Variants in ABTB2 observed in about 807,000 individuals in gnomAD.
The protein encoded by ABTB2 is ankyrin repeat and BTB/POZ domain-containing protein 2.
ABTB2 carries 56 observed loss-of-function variants against 104.1 expected under a neutral mutation model. That is an observed-to-expected ratio of 0.54 (90% CI 0.43 to 0.67). The LOEUF is 0.67. Ranked by LOEUF, ABTB2 falls within the 30% of genes least tolerant of loss-of-function variation. The pLI is 0.00. For missense variants in ABTB2, 1,279 were observed against 1,407.7 expected, an observed-to-expected ratio of 0.91 and a Z score of 1.46; for synonymous variants, 606 against 608.2, an observed-to-expected ratio of 1.00 and a Z score of 0.05.
In ABTB2 at chr11:34,323,968, C is replaced by T. The variant is rs185481058; in HGVS notation, c.883+32733G>A. ...TCACTCTGTTGCCCAGGCTGGAGTG[C>T]CATGGTATGATCTTGGTTCACTGCA... On this transcript the variant is annotated intron_variant, in intron 1 of 16. Coordinates refer to ENST00000435224, the MANE Select transcript of ABTB2 (RefSeq NM_145804.3). 1.8e-3 allele frequency among the ~76,000 whole-genome samples: 263 copies of T among 142,862 alleles called. 2 individuals carry two copies. Among genetic ancestry groups the T allele is most frequent in the Admixed American group, 2.9e-3 (39 of 13,468 alleles). 93.7% of individuals were successfully genotyped at this position (142,862 alleles called of 152,430 possible). A position where few individuals can be genotyped will look rare whatever the true frequency, so the allele number is the denominator to read the frequency against.
chr11:34,189,693 C>T (rs868099318), intron 3 of ABTB2, among the ~76,000 whole-genome samples: 1 of 152,050 alleles, frequency 6.6e-6, no homozygotes, highest in African/African-American at 2.4e-5. Flanking sequence ...AAAAGTCCTT[C>T]TATGACTCTT....
intron 11 of ABTB2, 119 bp from the exon 12 acceptor site, chr11:34,160,472 G>T (rs1338279916): frequency 4.2e-6 from 3 of 711,396 alleles, no homozygotes; most frequent in African/African-American, 3.5e-5. Flanking sequence ...GCTATCTTTT[G>T]TTCCTGCTGG....
chr11:34,199,819 C>T (rs1853313578), intron 2 of ABTB2, among the ~76,000 whole-genome samples: 2 of 152,198 alleles, frequency 1.3e-5, no homozygotes, highest in Non-Finnish European at 2.9e-5. Flanking sequence ...CACTTAACAT[C>T]CTGCTTGGCA....
At chr11:34,293,669 C>A (rs35238445) in intron 1 of ABTB2, among the ~76,000 whole-genome samples, 5,814 of 152,172 alleles carry the variant, frequency 0.038, 132 homozygotes, top group Non-Finnish European at 0.059. Flanking sequence ...ACATGTGGAC[C>A]CACACGCACC....
intron 1 of ABTB2, among the ~76,000 whole-genome samples, chr11:34,277,574 A>T (rs1854396021): frequency 6.6e-6 from 1 of 151,294 alleles, no homozygotes; most frequent in African/African-American, 2.4e-5. Flanking sequence ...ACTTGAGGTC[A>T]GGAGTTCCAG....
At chr11:34,161,596 C>T (rs374065794) in intron 10 of ABTB2, among the ~76,000 whole-genome samples, 5 of 152,294 alleles carry the variant, frequency 3.3e-5, no homozygotes, top group South Asian at 2.1e-4. Flanking sequence ...GGTCCTATCA[C>T]GAGGGGCTCT....
intron 1 of ABTB2, among the ~76,000 whole-genome samples, chr11:34,320,046 G>A (rs773453737): frequency 1.3e-5 from 2 of 152,140 alleles, no homozygotes; most frequent in African/African-American, 2.4e-5. Context: ...ACCGTGCCTG[G>A]CCACTTTTTA....
At chr11:34,331,109 G>A (rs2133116797) in intron 1 of ABTB2, among the ~76,000 whole-genome samples, 1 of 152,320 alleles carries the variant, frequency 6.6e-6, no homozygotes, top group African/African-American at 2.4e-5. Flanking sequence ...TGGGCTGCTT[G>A]CAGGAAAGAG....
At chr11:34,352,740 C>T (rs1285780793) in intron 1 of ABTB2, among the ~76,000 whole-genome samples, 2 of 152,200 alleles carry the variant, frequency 1.3e-5, no homozygotes, top group African/African-American at 4.8e-5. Flanking sequence ...GAAAATTGCA[C>T]CAGGCCACTC....
chr11:34,231,530 T>A (rs1010647699), intron 1 of ABTB2, among the ~76,000 whole-genome samples: 18 of 152,150 alleles, frequency 1.2e-4, no homozygotes, highest in African/African-American at 4.1e-4. Context: ...AAGGTTAACA[T>A]CATCAGTGAC....
At chr11:34,155,978 C>T (rs769599012) in intron 14 of ABTB2, among the ~76,000 whole-genome samples, 1 of 152,214 alleles carries the variant, frequency 6.6e-6, no homozygotes, top group Non-Finnish European at 1.5e-5. Context: ...CTGGAATGCC[C>T]CTCATACAGG....
chr11:34,274,236 C>T (rs373778770), intron 1 of ABTB2, among the ~76,000 whole-genome samples: 8 of 148,058 alleles, frequency 5.4e-5, no homozygotes, highest in African/African-American at 1.7e-4. Context: ...ACTTACTTTG[C>T]GTGGAAGTGC....
In ABTB2 at chr11:34,268,880, T is replaced by C. The variant is rs1178545030; in HGVS notation, c.884-64190A>G. 2.6e-5 allele frequency among the ~76,000 whole-genome samples: 4 copies of C among 152,214 alleles called. No homozygotes were observed. In the East Asian group the frequency reaches 7.7e-4, roughly 29 times the overall value. ...TCTTACTCTAAGGACACCAGGCATG[T>C]TGGATGGGGGACCCACCCTACCCAG... On this transcript the variant is annotated intron_variant, in intron 1 of 16. Transcript: ENST00000435224.
At chr11:34,260,379 C>T (rs777135967) in intron 1 of ABTB2, among the ~76,000 whole-genome samples, 5 of 152,178 alleles carry the variant, frequency 3.3e-5, no homozygotes, top group Non-Finnish European at 7.4e-5. Context: ...CTCTGCAGGG[C>T]GGAGGGCTGT....
At chr11:34,313,359 G>A (rs1213087061) in intron 1 of ABTB2, among the ~76,000 whole-genome samples, 4 of 152,218 alleles carry the variant, frequency 2.6e-5, no homozygotes, top group African/African-American at 4.8e-5. Context: ...TGGGTAGGAT[G>A]TGGTCTGACC....
At chr11:34,191,715 C>G (rs1424500371) in intron 3 of ABTB2, among the ~76,000 whole-genome samples, 1 of 152,148 alleles carries the variant, frequency 6.6e-6, no homozygotes, top group Admixed American at 6.5e-5. Context: ...ACAAATAAAA[C>G]CCAGCCAATC....
chr11:34,279,988 C>T (rs1854431501), intron 1 of ABTB2, among the ~76,000 whole-genome samples: 1 of 152,040 alleles, frequency 6.6e-6, no homozygotes, highest in Admixed American at 6.5e-5. Context: ...TCAGGCTGGT[C>T]TTAAACTCCT....
rs182345131 is a variant in ABTB2, at chr11:34,286,398, T to C, written c.883+70303A>G. Among the ~76,000 whole-genome samples, 699 of 152,204 alleles carry C rather than the reference T, an allele frequency of 4.6e-3. 7 individuals carry two copies. The highest frequency in any genetic ancestry group is 0.015 in the African/African-American group (643 of 41,530). ...ACCTCTGCCTCCCCAGTTCAAGCGA[T>C]TCTCCCGCCTCAGCCTCCTGAGTAG... On this transcript the variant is annotated intron_variant, in intron 1 of 16. Coordinates refer to ENST00000435224, the MANE Select transcript of ABTB2 (RefSeq NM_145804.3).
rs533665510 is a variant in ABTB2 at position 34,159,182 on chromosome 11, A to C, written c.2697+114T>G. ...ATGCTCTATTCATTCAACAGAATAC[A>C]GAAGGCACTGGGAATAGAGTGAACA... On this transcript the variant is annotated intron_variant, in intron 14 of 16. Transcript: ENST00000435224. 60 of 761,074 alleles carry C rather than the reference A, an allele frequency of 7.9e-5. No individual in the cohort carries two copies. In the African/African-American group the frequency reaches 8.1e-4, roughly 10 times the overall value. The allele number at this position is 761,074 out of a possible 1,614,324, so 47.1% of individuals were successfully genotyped here.
Sources: allele counts gnomAD v4.1 joint callset (sites outside exome capture counted in the v4.1 genomes callset), GRCh38; gene constraint gnomAD v4.1.1; transcripts MANE v1.5; gene names NCBI Gene and HGNC (gene_info 2026-07-23, HGNC 2026-07-21).